The following CBFA2T3 variants were observed in gnomAD, a reference collection of about 807,000 sequenced individuals.
The protein encoded by CBFA2T3 is CBFA2/RUNX1 partner transcriptional co-repressor 3.
Under a neutral mutation model 58.6 loss-of-function variants are expected in CBFA2T3, and 31 were observed. The observed-to-expected ratio is 0.53, with a 90% confidence interval of 0.40 to 0.71. The LOEUF is 0.71. CBFA2T3 is among the 30% of genes least tolerant of loss of function. CBFA2T3 has a pLI of 0.00. For synonymous variants in CBFA2T3, 531 were observed against 421.9 expected, an observed-to-expected ratio of 1.26 and a Z score of -3.17; for missense variants, 1,076 against 963.1, an observed-to-expected ratio of 1.12 and a Z score of -1.55.
intron 11 of CBFA2T3, 101 bp from the exon 12 acceptor site, chr16:88,877,376 G>T: frequency 1.1e-6 from 1 of 935,702 alleles, no homozygotes; most frequent in Non-Finnish European, 1.6e-6. Flanking sequence ...GTCATCACCA[G>T]GTGAGAAGAG....
At chr16:88,942,952 C>CGGT (rs1971793594) in intron 1 of CBFA2T3, among the ~76,000 whole-genome samples, 1 of 152,192 alleles carries the variant, frequency 6.6e-6, no homozygotes, top group African/African-American at 2.4e-5. Context: ...AGTCCCCATG[C>CGGT]GGTGGGTGTG....
chr16:88,975,261 T>TCCTGACCTGCAGCCATGTCAGAGG (rs1555546869), intron 1 of CBFA2T3, among the ~76,000 whole-genome samples: 1 of 114,230 alleles, frequency 8.8e-6, no homozygotes, highest in South Asian at 2.9e-4. Context: ...GACCCTCTGT[T>TCCTGACCTGCAGCCATGTCAGAGG]TCATGCCTCT....
At chr16:88,935,346 C>T (rs1039670357) in intron 1 of CBFA2T3, among the ~76,000 whole-genome samples, 1 of 152,186 alleles carries the variant, frequency 6.6e-6, no homozygotes, top group South Asian at 2.1e-4. Flanking sequence ...AATCCCCAGG[C>T]CTGGTGAGAG....
chr16:88,888,804 C>T (rs1184710317), intron 5 of CBFA2T3, among the ~76,000 whole-genome samples: 6 of 151,704 alleles, frequency 4.0e-5, no homozygotes, highest in Non-Finnish European at 5.9e-5. Flanking sequence ...CCCCGGGCCC[C>T]GGGTGGGGGC....
At chr16:88,908,470 CG>C (rs1470310233) in intron 1 of CBFA2T3, among the ~76,000 whole-genome samples, 1 of 152,202 alleles carries the variant, frequency 6.6e-6, no homozygotes, top group Non-Finnish European at 1.5e-5. Flanking sequence ...ACTAACGGGC[CG>C]GGAGAGGAAG....
At chr16:88,893,829 C>T (rs1171576602) in intron 3 of CBFA2T3, among the ~76,000 whole-genome samples, 2 of 152,182 alleles carry the variant, frequency 1.3e-5, no homozygotes, top group Admixed American at 1.3e-4. Flanking sequence ...GCGGCCAGCG[C>T]ACCCCTCCTG....
intron 1 of CBFA2T3, among the ~76,000 whole-genome samples, chr16:88,952,047 G>A (rs1035201677): frequency 7.2e-5 from 11 of 152,284 alleles, no homozygotes; most frequent in East Asian, 5.8e-4. Context: ...GGGTCTCCCC[G>A]GCCCCAGCAG....
At chr16:88,951,585 G>T in intron 1 of CBFA2T3, 2 of 363,550 alleles carry the variant, frequency 5.5e-6, no homozygotes, top group Admixed American at 3.8e-5. Flanking sequence ...CCTCGGGTCT[G>T]TGGCTTCTCA....
At chr16:88,907,492 C>T (rs984153897) in intron 1 of CBFA2T3, among the ~76,000 whole-genome samples, 1 of 152,222 alleles carries the variant, frequency 6.6e-6, no homozygotes, top group Non-Finnish European at 1.5e-5. Context: ...GAATCTCATA[C>T]AGAGGACCAA....
At chr16:88,896,484 C>T (rs541235400) in intron 3 of CBFA2T3, among the ~76,000 whole-genome samples, 207 of 152,264 alleles carry the variant, frequency 1.4e-3, no homozygotes, top group African/African-American at 4.6e-3. Flanking sequence ...CAGGATGCAC[C>T]GAGCCCCTGG....
intron 1 of CBFA2T3, among the ~76,000 whole-genome samples, chr16:88,921,935 G>A (rs917433986): frequency 2.0e-5 from 3 of 152,220 alleles, no homozygotes; most frequent in Admixed American, 6.5e-5. Flanking sequence ...CTCTCTGCGC[G>A]GCGCATTTTG....
intron 5 of CBFA2T3, 122 bp downstream of exon 5, chr16:88,891,760 C>T (rs1318187389): frequency 2.9e-6 from 2 of 683,136 alleles, no homozygotes; most frequent in Non-Finnish European, 2.6e-6. Flanking sequence ...TCTTCATCCA[C>T]CTGCCTATCT....
Position 88,880,936 on chromosome 16 carries a change from G to A in CBFA2T3, c.1403-148C>T, listed in dbSNP as rs1969044097. On this transcript the variant is annotated intron_variant, in intron 9 of 11. Transcript: ENST00000268679. ...CCCAGGTGCCCTCGGACAAGGTCTG[G>A]CTCAGGCACCCAGGGCAGTGCCCGG... 24 of 755,082 alleles carry A rather than the reference G, an allele frequency of 3.2e-5. No homozygotes were observed. In the Middle Eastern group the frequency reaches 1.1e-3, roughly 34 times the overall value. 46.8% of individuals were successfully genotyped at this position (755,082 alleles called of 1,614,324 possible).
chr16:88,889,400 C>A (rs1233513860), intron 5 of CBFA2T3, among the ~76,000 whole-genome samples: 3 of 13,404 alleles, frequency 2.2e-4, no homozygotes, highest in African/African-American at 9.5e-4. Flanking sequence ...GCAGAGGAGG[C>A]AGGGGCGGGA....
chr16:88,942,813 G>A (rs1191535637), intron 1 of CBFA2T3, among the ~76,000 whole-genome samples: 1 of 151,100 alleles, frequency 6.6e-6, no homozygotes, highest in African/African-American at 2.5e-5. Context: ...GCTTGCCCAT[G>A]TGGCTCAGCC....
At position 88,891,918 on chromosome 16, in the gene CBFA2T3, G is replaced by A; in HGVS notation, c.675C>T (p.Asn225=). Residue 225 remains asparagine, a synonymous_variant, in exon 5 of 12, where the codon AAC becomes AAT. Coordinates refer to ENST00000268679, the MANE Select transcript of CBFA2T3 (RefSeq NM_005187.6). ...EFHSKLQEAT[N]FPLRPFVIPF... ...GAATGACAAACGGCCGCAGAGGGAAGTTGGTGGCCTCCTGAAGCTTGGAAT... is the reference window on the plus strand; with the variant it reads ...GAATGACAAACGGCCGCAGAGGGAAATTGGTGGCCTCCTGAAGCTTGGAAT... 1 of 1,613,442 alleles carries A rather than the reference G, an allele frequency of 6.2e-7. No individual in the cohort carries two copies. Among genetic ancestry groups the A allele is most frequent in the Admixed American group, 1.7e-5 (1 of 60,014 alleles).
chr16:88,887,081 A>T (rs1163942410), intron 5 of CBFA2T3: 1 of 152,208 alleles, frequency 6.6e-6, no homozygotes, highest in Non-Finnish European at 1.5e-5. Context: ...GCAGCAGGCC[A>T]CTTGGGAGAG....
intron 1 of CBFA2T3, among the ~76,000 whole-genome samples, chr16:88,930,931 G>A (rs1971278978): frequency 6.6e-6 from 1 of 151,894 alleles, no homozygotes; most frequent in Non-Finnish European, 1.5e-5. Context: ...AGCTGGCGGG[G>A]GGCGTGGCGT....
chr16:88,916,383 G>T (rs1052834685), intron 1 of CBFA2T3, among the ~76,000 whole-genome samples: 1 of 149,458 alleles, frequency 6.7e-6, no homozygotes, highest in South Asian at 2.1e-4. Context: ...CATACATGGG[G>T]GTGTATGTAT....
Sources: gnomAD v4.1 joint callset for allele counts (sites outside exome capture counted in the v4.1 genomes callset) on GRCh38, gnomAD v4.1.1 for gene constraint, MANE v1.5 for transcripts, NCBI Gene and HGNC (gene_info 2026-07-23, HGNC 2026-07-21) for gene names.